EML4: variants seen among roughly 807,000 people sequenced by gnomAD.
EML4 encodes EMAP like 4, also known as echinoderm microtubule-associated protein-like 4.
Under a neutral mutation model 129.0 loss-of-function variants are expected in EML4, and 72 were observed. That is an observed-to-expected ratio of 0.56 (90% confidence interval 0.46 to 0.68). EML4 has a LOEUF of 0.68. EML4 is among the 30% of genes least tolerant of loss of function. EML4 has a pLI of 0.00. For missense variants in EML4, 1,363 were observed against 1,190.6 expected, an observed-to-expected ratio of 1.14 and a Z score of -2.13; for synonymous variants, 532 against 405.0, an observed-to-expected ratio of 1.31 and a Z score of -3.77.
intron 11 of EML4, among the ~76,000 whole-genome samples, chr2:42,291,122 C>T (rs1273114452): frequency 1.3e-5 from 2 of 152,030 alleles, no homozygotes; most frequent in Non-Finnish European, 2.9e-5. Context: ...CCAAAGGTGG[C>T]GATGCAGTAG....
intron 1 of EML4, among the ~76,000 whole-genome samples, chr2:42,170,661 A>G (rs563332126): frequency 6.6e-6 from 1 of 152,380 alleles, no homozygotes; most frequent in Admixed American, 6.5e-5. Context: ...AACTGTTAGA[A>G]TGGTGAGAGA....
chr2:42,254,517 A>G (rs1675994537), intron 2 of EML4, among the ~76,000 whole-genome samples: 2 of 152,036 alleles, frequency 1.3e-5, no homozygotes, highest in Admixed American at 1.3e-4. Flanking sequence ...GCTAGAGGGA[A>G]GGAAATAAAG....
At chr2:42,250,086 G>A (rs1426554764) in intron 2 of EML4, among the ~76,000 whole-genome samples, 1 of 152,212 alleles carries the variant, frequency 6.6e-6, no homozygotes, top group Non-Finnish European at 1.5e-5. Flanking sequence ...ACACAGCCCA[G>A]TGGCATTATG....
At chr2:42,206,328 C>T (rs548192553) in intron 1 of EML4, among the ~76,000 whole-genome samples, 1 of 152,274 alleles carries the variant, frequency 6.6e-6, no homozygotes, top group South Asian at 2.1e-4. Context: ...ATCCTCCCAC[C>T]TCAGCCTCCT....
rs1338278639 is a variant in EML4, at chr2:42,325,596, TTATATTTATATATATATATATATATATA to T, written c.2242+48_2242+75del. The T allele has an allele frequency of 7.9e-5, 12 of 150,996 alleles. 2 individuals are homozygous for T. In the East Asian group the frequency reaches 1.0e-3, roughly 13 times the overall value. The allele number at this position is 150,996 out of a possible 1,614,324, so 9.4% of individuals were successfully genotyped here. ...TTATATATATATATATATGCTATGA[TTATATTTATATATATATATATATATATA>T]TATATATATATATATGCTAAGATGT... On this transcript the variant is annotated intron_variant, in intron 20 of 22. Coordinates refer to ENST00000318522, the MANE Select transcript of EML4 (RefSeq NM_019063.5).
rs753781509 is a variant in EML4, at chr2:42,332,201, G to A, written c.*1994G>A. Reference sequence around the variant, plus strand: ...GGAATACAGCTCTCAGTGATCAGCAGGGAGTTTATTTGAGGACATCAGTCA... The same window carrying A: ...GGAATACAGCTCTCAGTGATCAGCAAGGAGTTTATTTGAGGACATCAGTCA... On this transcript the variant is annotated 3_prime_UTR_variant, in exon 23 of 23. Coordinates refer to ENST00000318522, the MANE Select transcript of EML4 (RefSeq NM_019063.5). 1.4e-5 allele frequency: 3 copies of A among 218,812 alleles called. No individual in the cohort carries two copies. The highest frequency in any genetic ancestry group is 2.8e-5 in the Non-Finnish European group (3 of 108,968). The allele number at this position is 218,812 out of a possible 1,614,324, so 13.6% of individuals were successfully genotyped here.
At chr2:42,219,134 C>G (rs1673390973) in intron 1 of EML4, among the ~76,000 whole-genome samples, 1 of 152,156 alleles carries the variant, frequency 6.6e-6, no homozygotes, top group Non-Finnish European at 1.5e-5. Flanking sequence ...TAGTTGTAGA[C>G]CTTTAATTGA....
intron 6 of EML4, among the ~76,000 whole-genome samples, chr2:42,271,453 ATGT>A (rs1427433138): frequency 2.0e-5 from 3 of 152,138 alleles, no homozygotes; most frequent in Non-Finnish European, 4.4e-5. Flanking sequence ...TGATTTCATA[ATGT>A]TGTGGTTAGT....
In EML4 at chr2:42,325,608, A is replaced by ATATATATATATGCTATGAT. The variant is rs1180517807; in HGVS notation, c.2242+65_2242+66insGCTATGATTATATATATAT. 77 of 40,912 alleles carry ATATATATATATGCTATGAT rather than the reference A, an allele frequency of 1.9e-3. 3 individuals are homozygous for ATATATATATATGCTATGAT. Among genetic ancestry groups the ATATATATATATGCTATGAT allele is most frequent in the Non-Finnish European group, 2.7e-3 (68 of 25,630 alleles). 2.5% of individuals were successfully genotyped at this position (40,912 alleles called of 1,614,324 possible). A position where few individuals can be genotyped will look rare whatever the true frequency, so the allele number is the denominator to read the frequency against. On this transcript the variant is annotated intron_variant, in intron 20 of 22. Transcript: ENST00000318522. ...ATATATGCTATGATTATATTTATAT[A>ATATATATATATGCTATGAT]TATATATATATATATATATATATAT... is the stretch of plus-strand genomic sequence containing the variant.
intron 1 of EML4, among the ~76,000 whole-genome samples, chr2:42,230,112 A>G (rs1674236729): frequency 1.3e-5 from 2 of 152,146 alleles, no homozygotes; most frequent in South Asian, 2.1e-4. Context: ...TATGCATGTC[A>G]CCAAACTAAT....
At chr2:42,327,503 TTTA>T (rs1304578695) in intron 21 of EML4, among the ~76,000 whole-genome samples, 11 of 152,208 alleles carry the variant, frequency 7.2e-5, no homozygotes, top group African/African-American at 2.2e-4. Flanking sequence ...GTCAGTGTAT[TTTA>T]TTATTATTTT....
intron 1 of EML4, among the ~76,000 whole-genome samples, chr2:42,227,374 T>C (rs1674035980): frequency 6.6e-6 from 1 of 152,232 alleles, no homozygotes; most frequent in Non-Finnish European, 1.5e-5. Context: ...CGCAAAGTGC[T>C]GGGATTACTG....
chr2:42,317,358 TCAGTAAAATAA>T (rs1669295053), intron 18 of EML4, 58 bp from the exon 19 acceptor site: 1 of 1,020,010 alleles, frequency 9.8e-7, no homozygotes, highest in Admixed American at 2.2e-5. Flanking sequence ...ATTTGTAAAA[TCAGTAAAATAA>T]CAGTAAATAA....
intron 1 of EML4, among the ~76,000 whole-genome samples, chr2:42,213,209 A>G (rs1024086194): frequency 6.6e-6 from 1 of 152,182 alleles, no homozygotes; most frequent in Non-Finnish European, 1.5e-5. Context: ...ATCACAAAAC[A>G]TTACCAGAAT....
chr2:42,283,091 T>G, intron 8 of EML4, 119 bp downstream of exon 8: 1 of 949,380 alleles, frequency 1.1e-6, no homozygotes, highest in Non-Finnish European at 1.6e-6. Flanking sequence ...AAAAATATTA[T>G]GGGTCATCTG....
At chr2:42,219,916 A>G (rs1355180155) in intron 1 of EML4, among the ~76,000 whole-genome samples, 1 of 133,648 alleles carries the variant, frequency 7.5e-6, no homozygotes, top group African/African-American at 2.9e-5. Context: ...ACAGAAGGAG[A>G]CTCCATCTAA....
At chr2:42,253,668 G>A (rs546414019) in intron 2 of EML4, among the ~76,000 whole-genome samples, 1 of 152,274 alleles carries the variant, frequency 6.6e-6, no homozygotes, top group African/African-American at 2.4e-5. Flanking sequence ...TAGGCAGACT[G>A]CTCAAGAGTT....
chr2:42,288,417 A>T, intron 11 of EML4, 95 bp downstream of exon 11: 1 of 555,456 alleles, frequency 1.8e-6, no homozygotes, highest in Non-Finnish European at 3.1e-6. Context: ...ATCTATTCGT[A>T]AGTCGCAAAA....
intron 1 of EML4, among the ~76,000 whole-genome samples, chr2:42,179,763 C>T (rs747630809): frequency 7.9e-5 from 12 of 152,218 alleles, no homozygotes; most frequent in African/African-American, 2.9e-4. Context: ...CCACCATGCC[C>T]GGCTAGTTTT....
Sources: gnomAD v4.1 joint callset for allele counts (sites outside exome capture counted in the v4.1 genomes callset) on GRCh38, gnomAD v4.1.1 for gene constraint, MANE v1.5 for transcripts, NCBI Gene and HGNC (gene_info 2026-07-23, HGNC 2026-07-21) for gene names.